The following PCSK5 variants were observed in gnomAD, a reference collection of about 807,000 sequenced individuals.
PCSK5 encodes the protein proprotein convertase subtilisin/kexin type 5.
Under a neutral mutation model 233.2 loss-of-function variants are expected in PCSK5, and 129 were observed. That is an observed-to-expected ratio of 0.55 (90% confidence interval 0.48 to 0.64). The LOEUF is 0.64. PCSK5 is among the 30% of genes least tolerant of loss of function. The pLI, the probability that PCSK5 is intolerant of heterozygous loss-of-function variation, is 0.00. For synonymous variants in PCSK5, 825 were observed against 879.2 expected, an observed-to-expected ratio of 0.94 and a Z score of 1.09; for missense variants, 2,076 against 2,430.1, an observed-to-expected ratio of 0.85 and a Z score of 3.06.
chr9:76,254,356 C>T (rs1025318244), intron 24 of PCSK5, among the ~76,000 whole-genome samples: 3 of 151,982 alleles, frequency 2.0e-5, no homozygotes, highest in Admixed American at 6.6e-5. Context: ...GATGTGTGCC[C>T]GATATGCTTC....
chr9:76,307,222 C>A (rs1334519312), intron 28 of PCSK5, among the ~76,000 whole-genome samples: 36 of 152,148 alleles, frequency 2.4e-4, no homozygotes, highest in Admixed American at 2.4e-3. Context: ...TAGCTGGGAT[C>A]TGAAGGCAGG....
At chr9:76,298,344 T>C (rs1828505384) in intron 27 of PCSK5, among the ~76,000 whole-genome samples, 1 of 152,036 alleles carries the variant, frequency 6.6e-6, no homozygotes, top group South Asian at 2.1e-4. Context: ...GAGGAATTAG[T>C]GCATTTGGGG....
At chr9:75,966,264 A>C (rs972841416) in intron 2 of PCSK5, among the ~76,000 whole-genome samples, 5 of 152,218 alleles carry the variant, frequency 3.3e-5, no homozygotes, top group African/African-American at 1.2e-4. Context: ...CAATCTTGAC[A>C]GATTGTGTAT....
chr9:75,995,771 ACACACACACACT>A (rs1587474431), intron 3 of PCSK5, among the ~76,000 whole-genome samples: 3 of 151,628 alleles, frequency 2.0e-5, no homozygotes, highest in African/African-American at 4.9e-5. Flanking sequence ...ACACACACAC[ACACACACACACT>A]CACACCTCTC....
chr9:76,261,927 G>A (rs1202671710), intron 24 of PCSK5, among the ~76,000 whole-genome samples: 3 of 152,258 alleles, frequency 2.0e-5, no homozygotes, highest in African/African-American at 4.8e-5. Context: ...GGGTTTTCTA[G>A]ATATACAATC....
At chr9:76,283,837 T>C (rs952226014) in intron 24 of PCSK5, among the ~76,000 whole-genome samples, 1 of 152,224 alleles carries the variant, frequency 6.6e-6, no homozygotes, top group African/African-American at 2.4e-5. Context: ...CACATCTATA[T>C]TTCCACTTAT....
chr9:76,042,655 T>TA (rs886666026), intron 5 of PCSK5, among the ~76,000 whole-genome samples: 2 of 151,528 alleles, frequency 1.3e-5, no homozygotes, highest in Non-Finnish European at 2.9e-5. Flanking sequence ...GACTCTTTGT[T>TA]AAAAAACCTA....
Position 76,361,555 on chromosome 9 carries a change from A to G in PCSK5, c.*2633A>G, listed in dbSNP as rs1830432445. 6.6e-6 allele frequency: 1 copy of G among 151,502 alleles called. No homozygotes were observed. The highest frequency in any genetic ancestry group is 2.1e-4 in the South Asian group (1 of 4,780). 9.4% of individuals were successfully genotyped at this position (151,502 alleles called of 1,614,324 possible). A position where few individuals can be genotyped will look rare whatever the true frequency, so the allele number is the denominator to read the frequency against. ...CGTGTCTACAAAAAATTTAAAAATT[A>G]GCCAGGCATGGTGGCAAGTGTCTGT... is the stretch of plus-strand genomic sequence containing the variant. On this transcript the variant is annotated 3_prime_UTR_variant, in exon 38 of 38. Coordinates refer to ENST00000674117, the MANE Select transcript of PCSK5 (RefSeq NM_001372043.1).
chr9:76,358,411 T>A (rs1830356311), intron 37 of PCSK5, 102 bp from the exon 38 acceptor site: 1 of 865,264 alleles, frequency 1.2e-6, no homozygotes, highest in South Asian at 1.9e-5. Flanking sequence ...TTTCAATTTT[T>A]AAAATAAAGG....
intron 5 of PCSK5, among the ~76,000 whole-genome samples, chr9:76,046,198 G>A (rs1829384429): frequency 1.8e-5 from 1 of 54,376 alleles, no homozygotes. Flanking sequence ...TTTTTTTTGA[G>A]ACGGAGTCTC....
intron 5 of PCSK5, among the ~76,000 whole-genome samples, chr9:76,029,735 T>C (rs1249549369): frequency 6.6e-6 from 1 of 152,186 alleles, no homozygotes; most frequent in Admixed American, 6.5e-5. Flanking sequence ...CTCCTAGGCC[T>C]GTCAGAAAGT....
At chr9:76,195,067 T>C (rs1482295675) in intron 20 of PCSK5, 4 of 162,932 alleles carry the variant, frequency 2.5e-5, no homozygotes, top group African/African-American at 9.6e-5. Flanking sequence ...ACCCTCTTAA[T>C]AGCATTGCAA....
intron 24 of PCSK5, among the ~76,000 whole-genome samples, chr9:76,271,636 G>A (rs892730738): frequency 6.6e-6 from 1 of 151,688 alleles, no homozygotes; most frequent in East Asian, 1.9e-4. Flanking sequence ...AGGAGATAGA[G>A]ACCAGCCTGG....
chr9:76,170,205 T>A (rs1823272596), intron 13 of PCSK5, among the ~76,000 whole-genome samples: 1 of 152,262 alleles, frequency 6.6e-6, no homozygotes, highest in South Asian at 2.1e-4. Flanking sequence ...ACAGGCTTCC[T>A]TAGTTATCTA....
In PCSK5 at chr9:75,917,529, C is replaced by T. The variant is rs1403117403; in HGVS notation, c.193-14850C>T. 8.5e-5 allele frequency among the ~76,000 whole-genome samples: 13 copies of T among 152,140 alleles called. 1 individual carries two copies. Among genetic ancestry groups the T allele is most frequent in the African/African-American group, 1.2e-4 (5 of 41,424 alleles). ...CTAACATCAGATTCAATATTTGCCCCGAGGCAGCTCAAAGAGTAGATGGTT... is the reference window on the plus strand; with the variant it reads ...CTAACATCAGATTCAATATTTGCCCTGAGGCAGCTCAAAGAGTAGATGGTT... On this transcript the variant is annotated intron_variant, in intron 1 of 37. Coordinates refer to ENST00000674117, the MANE Select transcript of PCSK5 (RefSeq NM_001372043.1).
intron 12 of PCSK5, 90 bp from the exon 13 acceptor site, chr9:76,169,614 T>G: frequency 7.7e-7 from 1 of 1,296,908 alleles, no homozygotes; most frequent in South Asian, 1.4e-5. Context: ...AACTTGCTAA[T>G]GGATACAAAA....
intron 20 of PCSK5, among the ~76,000 whole-genome samples, chr9:76,199,760 A>G (rs1424841592): frequency 6.6e-6 from 1 of 152,154 alleles, no homozygotes; most frequent in Non-Finnish European, 1.5e-5. Flanking sequence ...TACCATCTAT[A>G]TGCTGATGAC....
At chr9:76,265,333 A>G (rs75507527) in intron 24 of PCSK5, among the ~76,000 whole-genome samples, 1,961 of 152,124 alleles carry the variant, frequency 0.013, 44 homozygotes, top group African/African-American at 0.045. Flanking sequence ...TATACCCTAA[A>G]CCACAGTGTC....
chr9:76,044,840 A>T (rs191238092), intron 5 of PCSK5, among the ~76,000 whole-genome samples: 2 of 152,206 alleles, frequency 1.3e-5, no homozygotes, highest in African/African-American at 2.4e-5. Context: ...GGACTATTCA[A>T]ATTCTCTTGG....
Sources: gnomAD v4.1 joint callset for allele counts (sites outside exome capture counted in the v4.1 genomes callset) on GRCh38, gnomAD v4.1.1 for gene constraint, MANE v1.5 for transcripts, NCBI Gene and HGNC (gene_info 2026-07-23, HGNC 2026-07-21) for gene names.